Variants in BLK observed in about 807,000 individuals in gnomAD.
BLK encodes BLK proto-oncogene, Src family tyrosine kinase, also known as tyrosine-protein kinase Blk.
A neutral mutation model predicts 61.8 loss-of-function variants in BLK; 64 were observed. The observed-to-expected ratio is 1.03, with a 90% CI of 0.85 to 1.27. The LOEUF (loss-of-function observed/expected upper bound fraction) is 1.27, where lower values mean the gene tolerates loss of function less well. BLK is among the 50% of genes most tolerant of loss of function. The pLI, the probability that BLK is intolerant of heterozygous loss-of-function variation, is 0.00. For synonymous variants in BLK, 351 were observed against 272.0 expected (o/e 1.29, Z -2.86); for missense variants, 853 against 660.5 (o/e 1.29, Z -3.19).
chr8:11,528,688 G>C (rs1013542891), intron 1 of BLK, among the ~76,000 whole-genome samples: 4 of 152,170 alleles, frequency 2.6e-5, no homozygotes, highest in Non-Finnish European at 5.9e-5. Flanking sequence ...CAACTTGTTG[G>C]GGTCCAACAT....
intron 10 of BLK, among the ~76,000 whole-genome samples, chr8:11,559,400 CACACACAG>C (rs1480133741): frequency 1.3e-5 from 2 of 151,648 alleles, no homozygotes; most frequent in East Asian, 1.9e-4. Context: ...CAGACAGACA[CACACACAG>C]ACACACAGAC....
chr8:11,539,204 A>G (rs185662284), intron 1 of BLK, among the ~76,000 whole-genome samples: 27 of 152,238 alleles, frequency 1.8e-4, no homozygotes, highest in African/African-American at 6.3e-4. Context: ...ATGCAAACAT[A>G]TCTACACGCC....
chr8:11,504,363 GGAAGAAAGAAAAGAAAAGA>G (rs567200204), intron 1 of BLK, among the ~76,000 whole-genome samples: 37,367 of 95,184 alleles, frequency 0.39, 7,039 homozygotes, highest in Middle Eastern at 0.5. Flanking sequence ...AAGGAAGGAA[GGAAGAAAGAAAAGAAAAGA>G]AAAGAAAAGA....
intron 12 of BLK, among the ~76,000 whole-genome samples, chr8:11,563,658 C>T (rs1346293286): frequency 6.6e-6 from 1 of 152,242 alleles, no homozygotes; most frequent in Non-Finnish European, 1.5e-5. Flanking sequence ...CTTCAGAGGA[C>T]CTGCCCCGTA....
chr8:11,558,104 G>A (rs1430758308), intron 10 of BLK, 66 bp downstream of exon 10: 12 of 1,493,092 alleles, frequency 8.0e-6, no homozygotes, highest in East Asian at 4.5e-5. Flanking sequence ...ATGGCTGCTC[G>A]TGCCTTACCA....
intron 1 of BLK, among the ~76,000 whole-genome samples, chr8:11,504,716 G>C (rs1158961625): frequency 3.3e-5 from 5 of 152,250 alleles, no homozygotes; most frequent in African/African-American, 9.6e-5. Context: ...CTAAGCGACT[G>C]AGGAGTGTGC....
rs1305509786 is a variant in BLK, at chr8:11,550,247, A to G, written c.457A>G (p.Ser153Gly). 5 of 1,613,908 alleles carry G rather than the reference A, an allele frequency of 3.1e-6. No individual in the cohort carries two copies. Among genetic ancestry groups the G allele is most frequent in the Non-Finnish European group, 4.2e-6 (5 of 1,179,974 alleles). ...NKAGSFLIRE[S>G]ETNKGAFSLS... ...GGCCGGCTCCTTTCTTATCAGAGAG[A>G]GTGAAACCAACAAAGGTAGGCTTGG... Residue 153 changes from serine (S) to glycine (G), a missense_variant, in exon 6 of 13, where the codon AGT becomes GGT. Coordinates refer to ENST00000259089, the MANE Select transcript of BLK (RefSeq NM_001715.3).
At position 11,523,141 on chromosome 8, in the gene BLK, G is replaced by C. The variant is rs567016146; in HGVS notation, c.-1-20083G>C. Reference sequence around the variant, plus strand: ...TATATTTCTATCATCTAGGAGTGAGGAAGACATTTGCAAGTGTGAACGACA... The same window carrying C: ...TATATTTCTATCATCTAGGAGTGAGCAAGACATTTGCAAGTGTGAACGACA... On this transcript the variant is annotated intron_variant, in intron 1 of 12. Coordinates refer to ENST00000259089, the MANE Select transcript of BLK (RefSeq NM_001715.3). Among the ~76,000 whole-genome samples the C allele has an allele frequency of 8.5e-5, 13 of 152,288 alleles. No individual in the cohort carries two copies. The South Asian group carries it at 2.7e-3, about 32-fold the overall frequency.
intron 5 of BLK, 149 bp from the exon 6 acceptor site, chr8:11,550,010 G>A (rs987551366): frequency 2.6e-5 from 19 of 724,344 alleles, no homozygotes; most frequent in South Asian, 7.4e-5. Flanking sequence ...ACTCCATCAC[G>A]GTGTGAGGAG....
At chr8:11,530,383 C>G (rs1472840410) in intron 1 of BLK, among the ~76,000 whole-genome samples, 1 of 152,170 alleles carries the variant, frequency 6.6e-6, no homozygotes, top group Non-Finnish European at 1.5e-5. Flanking sequence ...GGTAGGAGGT[C>G]AGTTCCTCCA....
intron 1 of BLK, among the ~76,000 whole-genome samples, chr8:11,541,190 CT>C (rs71203398): frequency 0.99 from 151,516 of 152,324 alleles, 75,360 homozygotes; most frequent in East Asian, 1. Flanking sequence ...TCACCTTAGC[CT>C]TGGGAGGCAG....
intron 11 of BLK, 129 bp downstream of exon 11, chr8:11,561,581 C>G: frequency 8.0e-6 from 10 of 1,249,982 alleles, no homozygotes; most frequent in Non-Finnish European, 1.0e-5. Flanking sequence ...TTCTACAGCT[C>G]TAGATCAGCA....
chr8:11,521,620 C>T (rs1799451945), intron 1 of BLK, among the ~76,000 whole-genome samples: 1 of 152,138 alleles, frequency 6.6e-6, no homozygotes, highest in African/African-American at 2.4e-5. Context: ...AATTTGGATT[C>T]AATAGTCAAG....
intron 1 of BLK, among the ~76,000 whole-genome samples, chr8:11,515,022 C>A (rs753967909): frequency 6.6e-6 from 1 of 152,158 alleles, no homozygotes; most frequent in African/African-American, 2.4e-5. Flanking sequence ...TCCACATTCC[C>A]CGACAAGCTG....
At position 11,496,829 on chromosome 8, in the gene BLK, G is replaced by A. The variant is rs116130024; in HGVS notation, c.-2+2238G>A. The stretch of plus-strand genomic sequence containing the variant: ...AGCCAAGTGGCTGTGAGCTGGGCTC[G>A]ACAGCCCTTCCTCGAGAGTAAACTG... On this transcript the variant is annotated intron_variant, in intron 1 of 12. Coordinates refer to ENST00000259089, the MANE Select transcript of BLK (RefSeq NM_001715.3). Among the ~76,000 whole-genome samples, 1,411 of 152,304 alleles carry A rather than the reference G, an allele frequency of 9.3e-3. 18 individuals are homozygous for A. Among genetic ancestry groups the A allele is most frequent in the African/African-American group, 0.032 (1,316 of 41,558 alleles).
chr8:11,550,380 C>A, intron 6 of BLK, 118 bp downstream of exon 6: 1 of 963,584 alleles, frequency 1.0e-6, no homozygotes. Context: ...CAGCAGCTTC[C>A]GGGCTTGTGT....
Position 11,524,675 on chromosome 8 carries a change from T to A in BLK, c.-1-18549T>A, listed in dbSNP as rs2117347819. ...AAGATATGAGGAAAGAGAAAGGGCATGAGCAAAGGACATTTTTGCAGCATG... is the reference window on the plus strand; with the variant it reads ...AAGATATGAGGAAAGAGAAAGGGCAAGAGCAAAGGACATTTTTGCAGCATG... On this transcript the variant is annotated intron_variant, in intron 1 of 12. Coordinates refer to ENST00000259089, the MANE Select transcript of BLK (RefSeq NM_001715.3). 1.3e-5 allele frequency among the ~76,000 whole-genome samples: 2 copies of A among 152,312 alleles called. 1 individual carries two copies. Among genetic ancestry groups the A allele is most frequent in the South Asian group, 4.1e-4 (2 of 4,820 alleles).
chr8:11,502,372 C>G (rs1040071507), intron 1 of BLK, among the ~76,000 whole-genome samples: 6 of 151,920 alleles, frequency 3.9e-5, no homozygotes, highest in Non-Finnish European at 8.8e-5. Flanking sequence ...GGCACGATCT[C>G]TGGTCACTGC....
chr8:11,501,319 T>C (rs570477878), intron 1 of BLK, among the ~76,000 whole-genome samples: 8 of 152,108 alleles, frequency 5.3e-5, no homozygotes, highest in Non-Finnish European at 1.2e-4. Context: ...TTCTTGATTT[T>C]ATTTGGTGCT....
Sources: allele counts gnomAD v4.1 joint callset (sites outside exome capture counted in the v4.1 genomes callset), GRCh38; gene constraint gnomAD v4.1.1; transcripts MANE v1.5; gene names NCBI Gene and HGNC (gene_info 2026-07-23, HGNC 2026-07-21).